PCDHGA6: variants seen among roughly 807,000 people sequenced by gnomAD.
The protein encoded by PCDHGA6 is protocadherin gamma subfamily A, 6.
PCDHGA6 carries 41 observed loss-of-function variants against 60.6 expected under a neutral mutation model. The ratio of observed to expected loss-of-function variants is 0.68; its 90% CI spans 0.53 to 0.88. The LOEUF is 0.88. Ranked by LOEUF, PCDHGA6 falls within the 40% of genes least tolerant of loss-of-function variation. The pLI, the probability that PCDHGA6 is intolerant of heterozygous loss-of-function variation, is 0.00. For synonymous variants in PCDHGA6, 594 were observed against 524.4 expected (o/e 1.13, Z -1.81); for missense variants, 1,312 against 1,203.0 (o/e 1.09, Z -1.34).
Position 141,494,770 on chromosome 5 carries a change from C to T in PCDHGA6, c.2425-37C>T, listed in dbSNP as rs767006872. 43 of 1,614,022 alleles carry T rather than the reference C, an allele frequency of 2.7e-5. No homozygotes were observed. In the East Asian group the frequency reaches 7.6e-4, roughly 28 times the overall value. On this transcript the variant is annotated intron_variant, in intron 1 of 3. Coordinates refer to ENST00000517434, the MANE Select transcript of PCDHGA6 (RefSeq NM_018919.3). ...GCTCGGGTGACATTCTAACTTCTCA[C>T]GGGTACTCAGCCCCTTTCCCTCTGT...
intron 1 of PCDHGA6, among the ~76,000 whole-genome samples, chr5:141,467,062 T>C (rs2099136058): frequency 6.6e-6 from 1 of 151,686 alleles, no homozygotes; most frequent in South Asian, 2.1e-4. Context: ...TTTCTTTTTT[T>C]TTTTTTTTTA....
chr5:141,430,471 T>TA (rs759564776), intron 1 of PCDHGA6: 176 of 234,152 alleles, frequency 7.5e-4, no homozygotes, highest in Non-Finnish European at 1.1e-3. Context: ...TGGAGCTATT[T>TA]AAGATATAAA....
At chr5:141,422,415 A>C (rs1330043187) in intron 1 of PCDHGA6, 1 of 1,604,786 alleles carries the variant, frequency 6.2e-7, no homozygotes, top group Admixed American at 1.7e-5. Flanking sequence ...TTAAATTAGA[A>C]AAGACTTATG....
rs1488305057 is a variant in PCDHGA6, at chr5:141,477,736, C to A, written c.2425-17071C>A. ...AATTTGAATTAACAGCTCATATCAG[C>A]GATGGGGGCACCCCGGTCCTAGCCA... On this transcript the variant is annotated intron_variant, in intron 1 of 3. Transcript: ENST00000517434. This position sits in a 1 kb window ranked among gnomAD's most constrained non-coding sequence, Gnocchi z 4.9. The A allele has an allele frequency of 6.2e-7, 1 of 1,613,790 alleles. No homozygotes were observed. Among genetic ancestry groups the A allele is most frequent in the Non-Finnish European group, 8.5e-7 (1 of 1,180,024 alleles).
chr5:141,467,203 C>T (rs896621746), intron 1 of PCDHGA6, among the ~76,000 whole-genome samples: 1 of 152,052 alleles, frequency 6.6e-6, no homozygotes, highest in African/African-American at 2.4e-5. Flanking sequence ...CAGGCACATG[C>T]CACCATGCCT....
At chr5:141,510,447 C>T (rs1270073364) in intron 3 of PCDHGA6, among the ~76,000 whole-genome samples, 1 of 152,026 alleles carries the variant, frequency 6.6e-6, no homozygotes, top group Non-Finnish European at 1.5e-5. Flanking sequence ...CTCCAGGAGC[C>T]CATGGTCTAG....
In PCDHGA6 at chr5:141,477,250, C is replaced by G; in HGVS notation, c.2425-17557C>G. 6.2e-7 allele frequency: 1 copy of G among 1,614,190 alleles called. No homozygotes were observed. The highest frequency in any genetic ancestry group is 8.5e-7 in the Non-Finnish European group (1 of 1,180,040). On this transcript the variant is annotated intron_variant, in intron 1 of 3. Coordinates refer to ENST00000517434, the MANE Select transcript of PCDHGA6 (RefSeq NM_018919.3). The surrounding 1 kb of genome is among the most constrained non-coding windows in gnomAD (Gnocchi z 4.9). ...TCATCGCTTTGCTCAGTGTGACTGA[C>G]CTGGATGCTGGCGAGAACGGGCTGG...
chr5:141,423,423 G>C (rs1561809630), intron 1 of PCDHGA6: 2 of 1,614,096 alleles, frequency 1.2e-6, no homozygotes, highest in Non-Finnish European at 8.5e-7. Flanking sequence ...CTGAAGGCGG[G>C]TTGGCAGGTA....
At chr5:141,415,420 G>A in intron 1 of PCDHGA6, 2 of 1,614,226 alleles carry the variant, frequency 1.2e-6, no homozygotes, top group Non-Finnish European at 1.7e-6. Flanking sequence ...GGGCGTGGAC[G>A]GGGTTCGGGC....
At chr5:141,387,728 C>A (rs1366349422) in intron 1 of PCDHGA6, 3 of 1,221,130 alleles carry the variant, frequency 2.5e-6, no homozygotes, top group Non-Finnish European at 2.2e-6. Flanking sequence ...TCCCCAGCGC[C>A]AGCCTTTACA....
intron 1 of PCDHGA6, chr5:141,383,555 A>G: frequency 6.2e-7 from 1 of 1,611,868 alleles, no homozygotes; most frequent in East Asian, 2.2e-5. Context: ...GATGGCGGCG[A>G]CCCGCCCCGA....
chr5:141,385,268 C>A (rs1561607524), intron 1 of PCDHGA6: 3 of 1,613,616 alleles, frequency 1.9e-6, no homozygotes, highest in South Asian at 2.2e-5. Context: ...AAAAATGATT[C>A]TTTGCTAACA....
chr5:141,446,455 T>G (rs1347586383), intron 1 of PCDHGA6, among the ~76,000 whole-genome samples: 1 of 151,858 alleles, frequency 6.6e-6, no homozygotes, highest in Non-Finnish European at 1.5e-5. Context: ...AGATATTCAG[T>G]GTGTGATTAG....
In PCDHGA6 at chr5:141,489,663, C is replaced by T. The variant is rs1183544696; in HGVS notation, c.2425-5144C>T. The T allele has an allele frequency of 1.9e-6, 3 of 1,614,048 alleles. No individual in the cohort carries two copies. The highest frequency in any genetic ancestry group is 2.2e-5 in the South Asian group (2 of 91,094). ...TTGCCACCCCTGAGCGAGAGATGCGCATCTCAGAATCAGCAGCATCTGGGG... is the reference window on the plus strand; with the variant it reads ...TTGCCACCCCTGAGCGAGAGATGCGTATCTCAGAATCAGCAGCATCTGGGG... On this transcript the variant is annotated intron_variant, in intron 1 of 3. Coordinates refer to ENST00000517434, the MANE Select transcript of PCDHGA6 (RefSeq NM_018919.3). This position sits in a 1 kb window ranked among gnomAD's most constrained non-coding sequence, Gnocchi z 4.5.
At chr5:141,383,007 G>A (rs1047921009) in intron 1 of PCDHGA6, 1 of 1,613,748 alleles carries the variant, frequency 6.2e-7, no homozygotes, top group Non-Finnish European at 8.5e-7. Flanking sequence ...ACTCCGTGTC[G>A]GAGGAGACGG....
chr5:141,414,867 C>T (rs2095797355), intron 1 of PCDHGA6: 9 of 1,614,230 alleles, frequency 5.6e-6, no homozygotes, highest in South Asian at 1.1e-5. Flanking sequence ...ACAATGCGCC[C>T]GAGATCCTGT....
chr5:141,384,791 C>A (rs773450358), intron 1 of PCDHGA6: 22 of 1,613,424 alleles, frequency 1.4e-5, no homozygotes, highest in Non-Finnish European at 1.9e-5. Flanking sequence ...ACGGCTCGGG[C>A]CCTGCTGGAC....
Position 141,393,770 on chromosome 5 carries a change from A to G in PCDHGA6, c.2424+17263A>G, listed in dbSNP as rs372280460. 83 of 1,613,864 alleles carry G rather than the reference A, an allele frequency of 5.1e-5. 1 individual carries two copies. Among genetic ancestry groups the G allele is most frequent in the Middle Eastern group, 1.6e-4 (1 of 6,084 alleles). On this transcript the variant is annotated intron_variant, in intron 1 of 3. Transcript: ENST00000517434. ...AATGTTCATTTTATGAAATGGAAAT[A>G]CAAGCCGAAGATGTGGGGGCACTTC... is the stretch of plus-strand genomic sequence containing the variant.
At chr5:141,451,561 C>T (rs1412657561) in intron 1 of PCDHGA6, among the ~76,000 whole-genome samples, 2 of 152,096 alleles carry the variant, frequency 1.3e-5, no homozygotes, top group Non-Finnish European at 2.9e-5. Flanking sequence ...ATGAAAGCCA[C>T]AATCTTTTTA....
Sources: allele counts gnomAD v4.1 joint callset (sites outside exome capture counted in the v4.1 genomes callset), GRCh38; gene constraint gnomAD v4.1.1; non-coding constraint Gnocchi (gnomAD v3.1); transcripts MANE v1.5; gene names NCBI Gene and HGNC (gene_info 2026-07-23, HGNC 2026-07-21).